The following SLC25A21 variants were observed in gnomAD, a reference collection of about 807,000 sequenced individuals.
SLC25A21 encodes mitochondrial 2-oxodicarboxylate carrier.
In SLC25A21, 47 loss-of-function variants were observed where a neutral mutation model predicts 43.8. The ratio of observed to expected loss-of-function variants is 1.07; its 90% CI spans 0.85 to 1.37. The LOEUF is 1.37. Among genes scored for constraint, SLC25A21 ranks in the 40% most tolerant of loss-of-function variants. SLC25A21 has a pLI of 0.00. For synonymous variants in SLC25A21, 131 were observed against 121.3 expected (o/e 1.08, Z -0.52); for missense variants, 352 against 350.2 (o/e 1.00, Z -0.04).
At chr14:36,869,443 C>A (rs1156353303) in intron 2 of SLC25A21, among the ~76,000 whole-genome samples, 1 of 152,142 alleles carries the variant, frequency 6.6e-6, no homozygotes, top group Non-Finnish European at 1.5e-5. Flanking sequence ...ACTGCCCTAA[C>A]AGGGCAGAGA....
At chr14:36,843,360 G>A (rs1889443948) in intron 2 of SLC25A21, among the ~76,000 whole-genome samples, 1 of 152,200 alleles carries the variant, frequency 6.6e-6, no homozygotes, top group Non-Finnish European at 1.5e-5. Context: ...GGACATGCAT[G>A]ACAGCTGACA....
In SLC25A21 at chr14:36,678,627, A is replaced by C; in HGVS notation, c.*2031T>G. 7.6e-7 allele frequency: 1 copy of C among 1,309,430 alleles called. No individual in the cohort carries two copies. Among genetic ancestry groups the C allele is most frequent in the Non-Finnish European group, 9.7e-7 (1 of 1,027,922 alleles). 81.1% of individuals were successfully genotyped at this position (1,309,430 alleles called of 1,614,324 possible). Reference sequence around the variant, plus strand: ...AAGGTACAGAACTATTCTTTATCAAATGTTTTTAGGTGGCTGTTAGGGGGC... The same window carrying C: ...AAGGTACAGAACTATTCTTTATCAACTGTTTTTAGGTGGCTGTTAGGGGGC... On this transcript the variant is annotated 3_prime_UTR_variant, in exon 10 of 10. Coordinates refer to ENST00000331299, the MANE Select transcript of SLC25A21 (RefSeq NM_030631.4).
intron 3 of SLC25A21, among the ~76,000 whole-genome samples, chr14:36,779,453 G>T (rs1471599982): frequency 9.1e-6 from 1 of 109,796 alleles, no homozygotes; most frequent in Admixed American, 1.1e-4. Flanking sequence ...AAAAAAAGAA[G>T]GAATTATATA....
At chr14:36,835,879 C>T (rs183609335) in intron 2 of SLC25A21, among the ~76,000 whole-genome samples, 2 of 152,190 alleles carry the variant, frequency 1.3e-5, no homozygotes, top group South Asian at 4.1e-4. Flanking sequence ...GGTGGACCCT[C>T]TTTCCTGAGT....
chr14:36,841,526 T>A (rs1291252596), intron 2 of SLC25A21, among the ~76,000 whole-genome samples: 1 of 152,188 alleles, frequency 6.6e-6, no homozygotes, highest in Non-Finnish European at 1.5e-5. Context: ...TTGATCTTCC[T>A]TTCAAACATC....
At chr14:36,855,897 C>T (rs1023888471) in intron 2 of SLC25A21, among the ~76,000 whole-genome samples, 7 of 152,036 alleles carry the variant, frequency 4.6e-5, no homozygotes, top group African/African-American at 1.2e-4. Flanking sequence ...GGCGGGTATT[C>T]GGCAATGTCT....
intron 7 of SLC25A21, among the ~76,000 whole-genome samples, chr14:36,705,104 A>C (rs1290837291): frequency 6.6e-6 from 1 of 151,854 alleles, no homozygotes; most frequent in Non-Finnish European, 1.5e-5. Context: ...GGCTGGGTGC[A>C]ATCTCTGCTC....
intron 4 of SLC25A21, among the ~76,000 whole-genome samples, chr14:36,732,255 T>C (rs896927001): frequency 1.3e-4 from 19 of 151,952 alleles, no homozygotes; most frequent in African/African-American, 4.4e-4. Context: ...ATGATTGGTA[T>C]AGGTATACTG....
intron 5 of SLC25A21, among the ~76,000 whole-genome samples, chr14:36,727,165 C>A (rs372301496): frequency 4.1e-4 from 63 of 152,256 alleles, no homozygotes; most frequent in African/African-American, 1.4e-3. Context: ...AGGCATCGGT[C>A]AGGAGAAGGG....
intron 1 of SLC25A21, among the ~76,000 whole-genome samples, chr14:36,978,872 G>A (rs1959944124): frequency 6.6e-6 from 1 of 152,084 alleles, no homozygotes; most frequent in South Asian, 2.1e-4. Context: ...GCTGTTCTAA[G>A]TCTTCAAAAA....
At chr14:37,087,886 T>C (rs933101903) in intron 1 of SLC25A21, among the ~76,000 whole-genome samples, 2 of 152,206 alleles carry the variant, frequency 1.3e-5, no homozygotes, top group African/African-American at 4.8e-5. Context: ...ACATCACCAT[T>C]GTGTGCCTCT....
At chr14:36,836,166 C>T (rs568222204) in intron 2 of SLC25A21, among the ~76,000 whole-genome samples, 127 of 152,212 alleles carry the variant, frequency 8.3e-4, no homozygotes, top group Non-Finnish European at 1.5e-3. Flanking sequence ...AAGTATAAAA[C>T]GGGAGTGCTC....
intron 3 of SLC25A21, among the ~76,000 whole-genome samples, chr14:36,756,262 G>A (rs1260138790): frequency 6.6e-6 from 1 of 152,204 alleles, no homozygotes; most frequent in African/African-American, 2.4e-5. Context: ...ATTGGAAGCT[G>A]GTGCCAGTTG....
intron 1 of SLC25A21, among the ~76,000 whole-genome samples, chr14:37,120,585 A>C (rs1963190297): frequency 6.6e-6 from 1 of 152,176 alleles, no homozygotes; most frequent in Non-Finnish European, 1.5e-5. Context: ...ATGAAGCATA[A>C]GGAGCACCAG....
intron 1 of SLC25A21, among the ~76,000 whole-genome samples, chr14:37,055,122 G>C (rs780484950): frequency 6.6e-6 from 1 of 152,204 alleles, no homozygotes; most frequent in African/African-American, 2.4e-5. Flanking sequence ...AGGTGTATAG[G>C]GGGTGTGAGA....
intron 2 of SLC25A21, among the ~76,000 whole-genome samples, chr14:36,874,386 T>C (rs1252495188): frequency 6.6e-6 from 1 of 152,254 alleles, no homozygotes; most frequent in African/African-American, 2.4e-5. Flanking sequence ...GATCATATTA[T>C]ACCCCACAAA....
intron 1 of SLC25A21, among the ~76,000 whole-genome samples, chr14:36,891,145 C>T (rs1226455447): frequency 6.6e-6 from 1 of 152,070 alleles, no homozygotes; most frequent in Non-Finnish European, 1.5e-5. Flanking sequence ...AAGGCGGTGG[C>T]CCTAACTTTC....
At chr14:36,685,390 G>A (rs914303950) in intron 7 of SLC25A21, among the ~76,000 whole-genome samples, 5 of 152,098 alleles carry the variant, frequency 3.3e-5, no homozygotes, top group Non-Finnish European at 4.4e-5. Context: ...GGCTACTCGC[G>A]GTCTGCTGCT....
intron 1 of SLC25A21, among the ~76,000 whole-genome samples, chr14:37,098,801 ATAGAT>A (rs1434013383): frequency 0.056 from 5,047 of 90,508 alleles, 426 homozygotes; most frequent in African/African-American, 0.14. Flanking sequence ...AGATAGATAG[ATAGAT>A]TTTTTTTTTT....
Sources: allele counts gnomAD v4.1 joint callset (sites outside exome capture counted in the v4.1 genomes callset), GRCh38; gene constraint gnomAD v4.1.1; transcripts MANE v1.5; gene names NCBI Gene and HGNC (gene_info 2026-07-23, HGNC 2026-07-21).